SIPA1L3: variants seen among roughly 807,000 people sequenced by gnomAD.
SIPA1L3 encodes signal induced proliferation associated 1 like 3.
A neutral mutation model predicts 150.1 loss-of-function variants in SIPA1L3; 59 were observed. The observed-to-expected ratio is 0.39, with a 90% CI of 0.32 to 0.49. The LOEUF is 0.49. SIPA1L3 is among the 20% of genes least tolerant of loss of function. The pLI is 0.86. For synonymous variants in SIPA1L3, 1,070 were observed against 1,077.6 expected, an observed-to-expected ratio of 0.99 and a Z score of 0.14; for missense variants, 2,211 against 2,489.5, an observed-to-expected ratio of 0.89 and a Z score of 2.38.
chr19:38,049,090 A>AG (rs568371559), intron 2 of SIPA1L3, among the ~76,000 whole-genome samples: 1,699 of 144,464 alleles, frequency 0.012, 33 homozygotes, highest in African/African-American at 0.041. Flanking sequence ...TCAAAAAAAA[A>AG]GCGGGGGGTG....
chr19:38,108,063 G>C (rs1311384310), intron 7 of SIPA1L3, among the ~76,000 whole-genome samples: 17 of 152,012 alleles, frequency 1.1e-4, no homozygotes, highest in Admixed American at 1.0e-3. Flanking sequence ...CTTCCTAGCT[G>C]TGTGATCTCA....
chr19:38,023,573 G>A (rs948805106), intron 1 of SIPA1L3, among the ~76,000 whole-genome samples: 2 of 152,152 alleles, frequency 1.3e-5, no homozygotes, highest in Admixed American at 6.5e-5. Flanking sequence ...GACAGGGATG[G>A]GTATAATGGG....
intron 2 of SIPA1L3, among the ~76,000 whole-genome samples, chr19:38,031,690 CT>C (rs946003474): frequency 1.6e-4 from 25 of 152,182 alleles, no homozygotes; most frequent in African/African-American, 6.0e-4. Flanking sequence ...TAAAGTTACA[CT>C]TTTCCCTTTG....
chr19:38,103,546 T>C (rs1364675316), intron 6 of SIPA1L3, among the ~76,000 whole-genome samples: 2 of 151,448 alleles, frequency 1.3e-5, no homozygotes, highest in East Asian at 3.9e-4. Context: ...GAGAATTGCT[T>C]GAGCCTGGGA....
At chr19:38,030,718 G>T (rs906488167) in intron 2 of SIPA1L3, among the ~76,000 whole-genome samples, 1 of 150,948 alleles carries the variant, frequency 6.6e-6, no homozygotes, top group Non-Finnish European at 1.5e-5. Flanking sequence ...GTTGGGTTTG[G>T]GTTGGTTTGC....
intron 2 of SIPA1L3, among the ~76,000 whole-genome samples, chr19:38,035,768 T>C (rs1161393305): frequency 6.6e-6 from 1 of 151,932 alleles, no homozygotes. Flanking sequence ...GAGGTGGTGA[T>C]GATGATAATG....
chr19:38,062,979 A>G lies in SIPA1L3; in HGVS notation c.-310-18277A>G, dbSNP rs551163586. Among the ~76,000 whole-genome samples, 88 of 152,242 alleles carry G rather than the reference A, an allele frequency of 5.8e-4. 1 individual carries two copies. The South Asian group carries it at 8.3e-3, about 14-fold the overall frequency. On this transcript the variant is annotated intron_variant, in intron 2 of 21. Coordinates refer to ENST00000222345, the MANE Select transcript of SIPA1L3 (RefSeq NM_015073.3). ...CACGAGGGCAGACTCGAGTCAGCCA[A>G]TCCCAGGTTCAGATTCCGGCTCCTC...
At chr19:38,129,159 G>A (rs77610743) in intron 9 of SIPA1L3, among the ~76,000 whole-genome samples, 3,182 of 152,180 alleles carry the variant, frequency 0.021, 100 homozygotes, top group African/African-American at 0.071. Flanking sequence ...CTGGGGGGAG[G>A]GGGCAGGGCT....
At chr19:38,170,182 G>GA (rs1600165223) in intron 15 of SIPA1L3, among the ~76,000 whole-genome samples, 1 of 152,152 alleles carries the variant, frequency 6.6e-6, no homozygotes, top group Admixed American at 6.5e-5. Context: ...AGTCAGGAGG[G>GA]AAAAGCAGTC....
chr19:37,969,825 G>T (rs976125433), intron 1 of SIPA1L3, among the ~76,000 whole-genome samples: 3 of 152,086 alleles, frequency 2.0e-5, no homozygotes, highest in Non-Finnish European at 2.9e-5. Context: ...GGCCCTTCTG[G>T]ACTGTCCTGA....
intron 15 of SIPA1L3, among the ~76,000 whole-genome samples, chr19:38,178,905 A>G (rs966028335): frequency 3.3e-5 from 5 of 152,136 alleles, no homozygotes; most frequent in Non-Finnish European, 7.4e-5. Flanking sequence ...TCTCCTCACC[A>G]ATGCCTACTC....
chr19:38,102,049 C>CTTTTTT (rs552210592), intron 6 of SIPA1L3, among the ~76,000 whole-genome samples: 1 of 137,150 alleles, frequency 7.3e-6, no homozygotes, highest in Non-Finnish European at 1.6e-5. Flanking sequence ...CTTTTCTTTT[C>CTTTTTT]TTTTTTTTTT....
At chr19:38,041,425 C>T (rs557931095) in intron 2 of SIPA1L3, among the ~76,000 whole-genome samples, 2 of 151,826 alleles carry the variant, frequency 1.3e-5, no homozygotes, top group East Asian at 3.9e-4. Flanking sequence ...ATTACAGGCG[C>T]ACGCTACCAT....
intron 1 of SIPA1L3, among the ~76,000 whole-genome samples, chr19:38,008,228 T>TTC (rs1380289590): frequency 7.5e-6 from 1 of 133,454 alleles, no homozygotes; most frequent in African/African-American, 2.8e-5. Context: ...TTTTTTTTTT[T>TTC]TTTTTTTTTT....
chr19:38,202,588 AAAAAAAAG>A (rs1041547667), intron 20 of SIPA1L3, among the ~76,000 whole-genome samples: 5 of 151,902 alleles, frequency 3.3e-5, no homozygotes, highest in Non-Finnish European at 7.4e-5. Context: ...ACTCCATCTC[AAAAAAAAG>A]AAAAAAAGAA....
chr19:38,205,994 C>G, intron 21 of SIPA1L3, 103 bp from the exon 22 acceptor site: 1 of 1,364,564 alleles, frequency 7.3e-7, no homozygotes, highest in South Asian at 1.5e-5. Context: ...GTGGTTGGCT[C>G]CAAAGCACAG....
In SIPA1L3 at chr19:38,100,003, C is replaced by T. The variant is rs1393461878; in HGVS notation, c.1707C>T (p.Pro569=). 1.2e-6 allele frequency: 2 copies of T among 1,610,256 alleles called. No individual in the cohort carries two copies. Among genetic ancestry groups the T allele is most frequent in the Admixed American group, 3.4e-5 (2 of 59,018 alleles). Reference sequence around the variant, plus strand: ...GCTCCATCCTGGAAGATGCTACGCCCACAGCCACCAAGCATGGGACCGGGC... The same window carrying T: ...GCTCCATCCTGGAAGATGCTACGCCTACAGCCACCAAGCATGGGACCGGGC... ...LRGSILEDAT[P]TATKHGTGRG... is the part of the protein sequence containing the mutation. The change falls in exon 5 of 22, where the codon CCC becomes CCT. Residue 569 remains proline, a synonymous_variant. Coordinates refer to ENST00000222345, the MANE Select transcript of SIPA1L3 (RefSeq NM_015073.3).
chr19:37,972,207 C>G (rs1053157451), intron 1 of SIPA1L3, among the ~76,000 whole-genome samples: 14 of 93,944 alleles, frequency 1.5e-4, no homozygotes, highest in African/African-American at 4.9e-4. Context: ...GTGTGTGTGT[C>G]ATGGGCCCTT....
At chr19:38,128,979 T>A (rs1226668931) in intron 9 of SIPA1L3, among the ~76,000 whole-genome samples, 1 of 152,168 alleles carries the variant, frequency 6.6e-6, no homozygotes, top group Non-Finnish European at 1.5e-5. Flanking sequence ...TTACATAGCA[T>A]CATTTCTAGC....
Sources: gnomAD v4.1 joint callset for allele counts (sites outside exome capture counted in the v4.1 genomes callset) on GRCh38, gnomAD v4.1.1 for gene constraint, MANE v1.5 for transcripts, NCBI Gene and HGNC (gene_info 2026-07-23, HGNC 2026-07-21) for gene names.